NUDT4: variants seen among roughly 807,000 people sequenced by gnomAD.
The protein encoded by NUDT4 is diphosphoinositol polyphosphate phosphohydrolase 2.
A neutral mutation model predicts 23.1 loss-of-function variants in NUDT4; 5 were observed. That is an observed-to-expected ratio of 0.22 (90% CI 0.11 to 0.46). The LOEUF (loss-of-function observed/expected upper bound fraction) is 0.46, where lower values mean the gene tolerates loss of function less well. Ranked by LOEUF, NUDT4 falls within the 20% of genes least tolerant of loss-of-function variation. The pLI is 0.99. For synonymous variants in NUDT4, 50 were observed against 79.0 expected, an observed-to-expected ratio of 0.63 and a Z score of 1.95; for missense variants, 96 against 211.6, an observed-to-expected ratio of 0.45 and a Z score of 3.39.
At chr12:93,382,168 G>T (rs1381213034) in intron 1 of NUDT4, among the ~76,000 whole-genome samples, 1 of 151,490 alleles carries the variant, frequency 6.6e-6, no homozygotes, top group South Asian at 2.1e-4. Flanking sequence ...GGAGGCTGAG[G>T]CATGAGAATC....
At position 93,403,708 on chromosome 12, in the gene NUDT4, T is replaced by TTTTA. The variant is rs1436645121; in HGVS notation, c.*4333_*4336dup. On this transcript the variant is annotated 3_prime_UTR_variant, in exon 5 of 5. Coordinates refer to ENST00000415493, the MANE Select transcript of NUDT4 (RefSeq NM_019094.6). ...TATACCATCTTCAAAAGCAATACAA[T>TTTTA]TTTATTTGTAGACGTGATTTCCCCC... The TTTTA allele has an allele frequency of 2.0e-5, 3 of 152,236 alleles. No individual in the cohort carries two copies. The highest frequency in any genetic ancestry group is 7.2e-5 in the African/African-American group (3 of 41,454). The allele number at this position is 152,236 out of a possible 1,614,324, so 9.4% of individuals were successfully genotyped here.
In NUDT4 at chr12:93,406,876, A is replaced by G. The variant is rs1185207254; in HGVS notation, c.*7497A>G. 1.3e-5 allele frequency: 2 copies of G among 152,228 alleles called. No homozygotes were observed. The highest frequency in any genetic ancestry group is 2.9e-5 in the Non-Finnish European group (2 of 68,046). The allele number at this position is 152,228 out of a possible 1,614,324, so 9.4% of individuals were successfully genotyped here. On this transcript the variant is annotated 3_prime_UTR_variant, in exon 5 of 5. Coordinates refer to ENST00000415493, the MANE Select transcript of NUDT4 (RefSeq NM_019094.6). Reference sequence around the variant, plus strand: ...GAGATGACTTTACTTTAGACCTAAGATCTTGCTAGACAGCCTTTGAGAGGA... The same window carrying G: ...GAGATGACTTTACTTTAGACCTAAGGTCTTGCTAGACAGCCTTTGAGAGGA...
intron 1 of NUDT4, among the ~76,000 whole-genome samples, chr12:93,385,399 C>T (rs929735157): frequency 6.6e-6 from 1 of 152,192 alleles, no homozygotes; most frequent in Non-Finnish European, 1.5e-5. Flanking sequence ...CATATAGTCA[C>T]AGCTCTGATT....
intron 1 of NUDT4, chr12:93,378,720 A>G (rs1296784736): frequency 9.1e-7 from 1 of 1,099,396 alleles, no homozygotes; most frequent in Non-Finnish European, 1.1e-6. Flanking sequence ...GGGAGTCACC[A>G]TCTTAACGTG....
chr12:93,397,934 T>G (rs1030595676), intron 3 of NUDT4, among the ~76,000 whole-genome samples: 6 of 152,260 alleles, frequency 3.9e-5, no homozygotes, highest in African/African-American at 1.4e-4. Flanking sequence ...TCCATGTCAT[T>G]GAAAGGTTGT....
intron 1 of NUDT4, among the ~76,000 whole-genome samples, chr12:93,383,864 T>G (rs922438046): frequency 6.6e-6 from 1 of 152,162 alleles, no homozygotes; most frequent in African/African-American, 2.4e-5. Context: ...AGTTTCTGAA[T>G]AGCTACAATT....
At chr12:93,380,515 T>G (rs1303134721) in intron 1 of NUDT4, among the ~76,000 whole-genome samples, 1 of 152,232 alleles carries the variant, frequency 6.6e-6, no homozygotes, top group African/African-American at 2.4e-5. Flanking sequence ...TGTATAAAAC[T>G]TTGTAAATCT....
chr12:93,388,287 T>C (rs1398109696), intron 1 of NUDT4, among the ~76,000 whole-genome samples: 1 of 152,256 alleles, frequency 6.6e-6, no homozygotes, highest in East Asian at 1.9e-4. Context: ...TTTATAATGA[T>C]ATAGATTTAT....
intron 1 of NUDT4, among the ~76,000 whole-genome samples, chr12:93,387,695 G>A (rs900233760): frequency 6.6e-6 from 1 of 152,114 alleles, no homozygotes; most frequent in Non-Finnish European, 1.5e-5. Context: ...TCTAGATCTA[G>A]TGCTGGGGAC....
Position 93,378,232 on chromosome 12 carries a change from G to GCCCTCGCCCCCACTCC in NUDT4, c.-88_-73dup, listed in dbSNP as rs1283078713. 2 of 493,858 alleles carry GCCCTCGCCCCCACTCC rather than the reference G, an allele frequency of 4.0e-6. No individual in the cohort carries two copies. Among genetic ancestry groups the GCCCTCGCCCCCACTCC allele is most frequent in the Admixed American group, 9.1e-5 (2 of 21,962 alleles). 30.6% of individuals were successfully genotyped at this position (493,858 alleles called of 1,614,324 possible). On this transcript the variant is annotated 5_prime_UTR_variant, in exon 1 of 5. Coordinates refer to ENST00000415493, the MANE Select transcript of NUDT4 (RefSeq NM_019094.6). The stretch of plus-strand genomic sequence containing the variant: ...TCCCGGGCGCTCCTGCGCCCGACTC[G>GCCCTCGCCCCCACTCC]CCCTCGCCCCCACTCCCCGGCGGGG...
intron 1 of NUDT4, among the ~76,000 whole-genome samples, chr12:93,391,005 A>G (rs1345385480): frequency 2.0e-5 from 3 of 151,994 alleles, no homozygotes; most frequent in Non-Finnish European, 4.4e-5. Context: ...TCAGCTTGAA[A>G]CTTTCCAGTT....
intron 1 of NUDT4, among the ~76,000 whole-genome samples, chr12:93,391,281 C>G (rs971829308): frequency 6.6e-6 from 1 of 151,914 alleles, no homozygotes; most frequent in Non-Finnish European, 1.5e-5. Flanking sequence ...ATACGAAAAT[C>G]AGACTGGGCA....
rs550000379 is a variant in NUDT4, at chr12:93,381,330, C to T, written c.99+2909C>T. ...GTGGGGAAGCACCCTCAGTTTTGGC[C>T]GCTGGGCTTCTAGACAGGCCCACAG... is the stretch of plus-strand genomic sequence containing the variant. On this transcript the variant is annotated intron_variant, in intron 1 of 4. Transcript: ENST00000415493. 5.3e-5 allele frequency among the ~76,000 whole-genome samples: 8 copies of T among 152,272 alleles called. No homozygotes were observed. The East Asian group carries it at 7.7e-4, about 15-fold the overall frequency.
rs17021199 is a variant in NUDT4, at chr12:93,396,121, T to C, written c.255+588T>C. On this transcript the variant is annotated intron_variant, in intron 3 of 4. Coordinates refer to ENST00000415493, the MANE Select transcript of NUDT4 (RefSeq NM_019094.6). ...TTATCTTAATCCACTGTAGACTGTT[T>C]AGGGTATAGATCTTTTAGGAGGTAC... 3.3e-3 allele frequency among the ~76,000 whole-genome samples: 507 copies of C among 152,298 alleles called. 1 individual carries two copies. The highest frequency in any genetic ancestry group is 0.011 in the African/African-American group (473 of 41,572).
At chr12:93,394,859 TA>T in intron 2 of NUDT4, 140 bp downstream of exon 2, 1 of 556,262 alleles carries the variant, frequency 1.8e-6, no homozygotes, top group African/African-American at 1.9e-5. Context: ...TTTTTTTTTT[TA>T]TTTTTTGAGA....
At chr12:93,389,517 A>G (rs1482832963) in intron 1 of NUDT4, among the ~76,000 whole-genome samples, 1 of 152,174 alleles carries the variant, frequency 6.6e-6, no homozygotes, top group Non-Finnish European at 1.5e-5. Flanking sequence ...TTTATGAAAG[A>G]GAGATGTTGA....
chr12:93,398,877 G>C (rs959886164), intron 4 of NUDT4, 22 bp downstream of exon 4: 1 of 1,383,184 alleles, frequency 7.2e-7, no homozygotes, highest in Non-Finnish European at 1.0e-6. Context: ...TTTGTTATCT[G>C]AATACTCTGT....
Position 93,408,012 on chromosome 12 carries a change from C to A in NUDT4, c.*8633C>A, listed in dbSNP as rs1253361532. On this transcript the variant is annotated 3_prime_UTR_variant, in exon 5 of 5. Coordinates refer to ENST00000415493, the MANE Select transcript of NUDT4 (RefSeq NM_019094.6). ...TTCTATAACTCACAAATTTAGCAGA[C>A]ATCATTTAGACATTTTTGTAGTGCA... The A allele has an allele frequency of 6.6e-6, 1 of 152,184 alleles. No homozygotes were observed. The allele number at this position is 152,184 out of a possible 1,614,324, so 9.4% of individuals were successfully genotyped here.
chr12:93,392,932 C>G lies in NUDT4; in HGVS notation c.100-1677C>G, dbSNP rs190001820. Among the ~76,000 whole-genome samples, 486 of 137,788 alleles carry G rather than the reference C, an allele frequency of 3.5e-3. 20 individuals carry two copies. The highest frequency in any genetic ancestry group is 0.012 in the African/African-American group (455 of 38,070). The allele number at this position is 137,788 out of a possible 152,430, so 90.4% of individuals were successfully genotyped here. A position where few individuals can be genotyped will look rare whatever the true frequency, so the allele number is the denominator to read the frequency against. On this transcript the variant is annotated intron_variant, in intron 1 of 4. Transcript: ENST00000415493. Reference sequence around the variant, plus strand: ...CTGACCTCAGGTGATCTGCCCACCTCAGCCTCCCAAAGTGCTAGGATTACA... The same window carrying G: ...CTGACCTCAGGTGATCTGCCCACCTGAGCCTCCCAAAGTGCTAGGATTACA...
Sources: gnomAD v4.1 joint callset for allele counts (sites outside exome capture counted in the v4.1 genomes callset) on GRCh38, gnomAD v4.1.1 for gene constraint, MANE v1.5 for transcripts, NCBI Gene and HGNC (gene_info 2026-07-23, HGNC 2026-07-21) for gene names.